The following DCLK2 variants were observed in gnomAD, a reference collection of about 807,000 sequenced individuals.
The protein encoded by DCLK2 is doublecortin like kinase 2, also known as serine/threonine-protein kinase DCLK2.
Under a neutral mutation model 78.4 loss-of-function variants are expected in DCLK2, and 31 were observed. The ratio of observed to expected loss-of-function variants is 0.40; its 90% CI spans 0.30 to 0.53. The LOEUF (loss-of-function observed/expected upper bound fraction) is 0.53, where lower values mean the gene tolerates loss of function less well. DCLK2 is among the 20% of genes least tolerant of loss of function. The pLI, the probability that DCLK2 is intolerant of heterozygous loss-of-function variation, is 0.61. For synonymous variants in DCLK2, 407 were observed against 374.9 expected, an observed-to-expected ratio of 1.09 and a Z score of -0.99; for missense variants, 872 against 973.7, an observed-to-expected ratio of 0.90 and a Z score of 1.39.
In DCLK2 at chr4:150,079,405, C is replaced by A. The variant is rs1453479332; in HGVS notation, c.378C>A (p.Ile126=). ...AGGGTGTCCGCACTATCTACACCAT[C>A]GACGGCAGCCGGAAGGTCACCAGCC... ...LPQGVRTIYT[I]DGSRKVTSLD... Residue 126 remains isoleucine (I), a synonymous_variant, in exon 1 of 16, where the codon ATC becomes ATA. Transcript: ENST00000296550. 1 of 1,558,244 alleles carries A rather than the reference C, an allele frequency of 6.4e-7. No homozygotes were observed. Among genetic ancestry groups the A allele is most frequent in the Non-Finnish European group, 8.7e-7 (1 of 1,147,678 alleles).
At chr4:150,090,980 G>A (rs537832158) in intron 1 of DCLK2, among the ~76,000 whole-genome samples, 72 of 152,304 alleles carry the variant, frequency 4.7e-4, no homozygotes, top group Admixed American at 2.7e-3. Context: ...TATGGAGTGG[G>A]AACAGCATCT....
chr4:150,191,303 G>A (rs1230861384), intron 2 of DCLK2, among the ~76,000 whole-genome samples: 1 of 151,874 alleles, frequency 6.6e-6, no homozygotes, highest in Non-Finnish European at 1.5e-5. Context: ...TGAGTGGTAC[G>A]TGATCACCCA....
At chr4:150,245,460 C>A (rs1049602417) in intron 12 of DCLK2, among the ~76,000 whole-genome samples, 3 of 152,134 alleles carry the variant, frequency 2.0e-5, no homozygotes, top group Non-Finnish European at 4.4e-5. Flanking sequence ...TGCTGGTGTG[C>A]TGCACTCATT....
chr4:150,082,499 G>A (rs1560754999), intron 1 of DCLK2, among the ~76,000 whole-genome samples: 1 of 152,138 alleles, frequency 6.6e-6, no homozygotes, highest in African/African-American at 2.4e-5. Flanking sequence ...ACTAAAAGCT[G>A]TTCTAGTGTG....
intron 2 of DCLK2, among the ~76,000 whole-genome samples, chr4:150,124,606 G>A (rs911473036): frequency 2.0e-5 from 3 of 152,060 alleles, no homozygotes; most frequent in Non-Finnish European, 4.4e-5. Flanking sequence ...AAATATTATG[G>A]CTGTCACATG....
chr4:150,245,077 C>T (rs1279702662), intron 12 of DCLK2, among the ~76,000 whole-genome samples: 1 of 151,978 alleles, frequency 6.6e-6, no homozygotes, highest in Non-Finnish European at 1.5e-5. Context: ...TGTTGGAGCC[C>T]TCTGGTTCTC....
intron 1 of DCLK2, among the ~76,000 whole-genome samples, chr4:150,098,657 AG>A (rs1395244341): frequency 7.0e-6 from 1 of 141,860 alleles, no homozygotes; most frequent in East Asian, 2.0e-4. Flanking sequence ...CGTTGGCAAG[AG>A]TTTAACAAAG....
At chr4:150,192,600 T>C (rs1738544637) in intron 2 of DCLK2, among the ~76,000 whole-genome samples, 1 of 152,130 alleles carries the variant, frequency 6.6e-6, no homozygotes, top group African/African-American at 2.4e-5. Flanking sequence ...TTGATAATGC[T>C]GGTGGTAGGG....
chr4:150,102,019 A>G (rs1004920486), intron 1 of DCLK2, among the ~76,000 whole-genome samples: 1 of 152,200 alleles, frequency 6.6e-6, no homozygotes, highest in Non-Finnish European at 1.5e-5. Flanking sequence ...TAGGGCTGAA[A>G]TCTATAATTG....
Position 150,239,755 on chromosome 4 carries a change from C to T in DCLK2, c.1580C>T (p.Pro527Leu). 2 of 1,614,044 alleles carry T rather than the reference C, an allele frequency of 1.2e-6. No homozygotes were observed. The highest frequency in any genetic ancestry group is 1.7e-6 in the Non-Finnish European group (2 of 1,179,984). Residue 527 changes from proline (P) to leucine (L), a missense_variant, in exon 11 of 16, where the codon CCT becomes CTT. By Grantham distance (98) the Pro-to-Leu change is moderately conservative. This residue lies in a region of DCLK2 where 86 missense variants were observed against 150.3 expected (regional missense o/e 0.57). Transcript: ENST00000296550. Reference protein sequence around the residue: ...KPENLLVCEYPDGTKSLKLGD... With the variant: ...KPENLLVCEYLDGTKSLKLGD... ...TTTCTGTTTCAGGTGTGTGAATATC[C>T]TGATGGAACCAAGTCTTTGAAACTG... is the stretch of plus-strand genomic sequence containing the variant.
At chr4:150,082,773 T>C (rs1729394657) in intron 1 of DCLK2, among the ~76,000 whole-genome samples, 1 of 152,212 alleles carries the variant, frequency 6.6e-6, no homozygotes, top group Non-Finnish European at 1.5e-5. Context: ...ACTTGTTCTT[T>C]AGCTTTCTTA....
intron 5 of DCLK2, among the ~76,000 whole-genome samples, chr4:150,217,651 A>G (rs1740825083): frequency 6.6e-6 from 1 of 152,198 alleles, no homozygotes; most frequent in African/African-American, 2.4e-5. Context: ...AAAACAGCAC[A>G]AGTCATTGCT....
intron 5 of DCLK2, 73 bp downstream of exon 5, chr4:150,203,962 GT>G: frequency 1.4e-6 from 2 of 1,405,088 alleles, no homozygotes; most frequent in African/African-American, 1.4e-5. Flanking sequence ...AGTTTAATTT[GT>G]TTGGGGGCTT....
chr4:150,238,205 A>G (rs1204817565), intron 10 of DCLK2, among the ~76,000 whole-genome samples: 1 of 152,158 alleles, frequency 6.6e-6, no homozygotes, highest in Non-Finnish European at 1.5e-5. Context: ...AGTATTTTAT[A>G]TGTAATTTTG....
chr4:150,123,499 C>A lies in DCLK2; in HGVS notation c.756+20687C>A, dbSNP rs544083187. Reference sequence around the variant, plus strand: ...TTACAGTAGTAACATCAAAAAATATCACAGATGACCCTAATGGCTATAATA... The same window carrying A: ...TTACAGTAGTAACATCAAAAAATATAACAGATGACCCTAATGGCTATAATA... On this transcript the variant is annotated intron_variant, in intron 2 of 15. Transcript: ENST00000296550. Among the ~76,000 whole-genome samples the A allele has an allele frequency of 8.5e-5, 13 of 152,244 alleles. No homozygotes were observed. The South Asian group carries it at 2.7e-3, about 32-fold the overall frequency.
At chr4:150,083,887 G>T (rs1003812366) in intron 1 of DCLK2, among the ~76,000 whole-genome samples, 1 of 152,172 alleles carries the variant, frequency 6.6e-6, no homozygotes, top group Non-Finnish European at 1.5e-5. Flanking sequence ...TTAGTTGAGG[G>T]CATACTATGT....
intron 2 of DCLK2, among the ~76,000 whole-genome samples, chr4:150,178,516 A>C (rs1192688254): frequency 8.2e-6 from 1 of 122,570 alleles, no homozygotes; most frequent in African/African-American, 3.1e-5. Flanking sequence ...TCTACTAAGA[A>C]GGCTGCTCTA....
chr4:150,231,883 A>C (rs1403402803), intron 8 of DCLK2, among the ~76,000 whole-genome samples: 3 of 152,220 alleles, frequency 2.0e-5, no homozygotes, highest in Admixed American at 6.5e-5. Flanking sequence ...AAAACTAAAA[A>C]TGCTTAATGC....
chr4:150,159,530 A>C (rs566734007), intron 2 of DCLK2, among the ~76,000 whole-genome samples: 60 of 152,350 alleles, frequency 3.9e-4, no homozygotes, highest in Admixed American at 7.8e-4. Context: ...GTGCCCTGGC[A>C]TGTGGTGGGG....
Sources: gnomAD v4.1 joint callset for allele counts (sites outside exome capture counted in the v4.1 genomes callset) on GRCh38, gnomAD v4.1.1 for gene constraint, gnomAD v4.1.1 regional missense constraint, MANE v1.5 for transcripts, NCBI Gene and HGNC (gene_info 2026-07-23, HGNC 2026-07-21) for gene names.